MAF: variants seen among roughly 807,000 people sequenced by gnomAD.
MAF encodes the protein MAF bZIP transcription factor, also known as transcription factor Maf.
MAF carries 10 observed loss-of-function variants against 22.0 expected under a neutral mutation model. That is an observed-to-expected ratio of 0.45 (90% CI 0.28 to 0.77). The LOEUF is 0.77. MAF is among the 30% of genes least tolerant of loss of function. The probability of loss-of-function intolerance (pLI) is 0.12; values close to 1 mark genes in which losing one functional copy is unlikely to be tolerated. For synonymous variants in MAF, 337 were observed against 255.8 expected (o/e 1.32, Z -3.03); for missense variants, 544 against 548.4 (o/e 0.99, Z 0.08).
At chr16:79,506,019 G>A in the MAF span, among the ~76,000 whole-genome samples, 3 of 151,868 alleles carry the variant, frequency 2.0e-5, no homozygotes, top group East Asian at 1.9e-4. Flanking sequence ...AGGAAAGAGA[G>A]GAGGAAAAGA....
the MAF span, among the ~76,000 whole-genome samples, chr16:79,369,882 G>C: frequency 6.6e-6 from 1 of 152,198 alleles, no homozygotes; most frequent in Non-Finnish European, 1.5e-5. Flanking sequence ...AACTGGAAAG[G>C]GGACTGAAAT....
the MAF span, among the ~76,000 whole-genome samples, chr16:79,570,556 A>T: frequency 2.0e-5 from 3 of 152,148 alleles, no homozygotes; most frequent in African/African-American, 4.8e-5. Flanking sequence ...GCAGATATAC[A>T]TTTGATACTC....
chr16:79,403,448 G>A, the MAF span, among the ~76,000 whole-genome samples: 2 of 152,308 alleles, frequency 1.3e-5, no homozygotes, highest in African/African-American at 4.8e-5. Flanking sequence ...GATTGCTCCA[G>A]TATCCAGGGC....
chr16:79,316,030 G>C, the MAF span, among the ~76,000 whole-genome samples: 1 of 152,204 alleles, frequency 6.6e-6, no homozygotes, highest in African/African-American at 2.4e-5. Flanking sequence ...TCATGCTTGT[G>C]ACTGAGAATT....
the MAF span, among the ~76,000 whole-genome samples, chr16:79,318,732 G>A: frequency 2.0e-5 from 3 of 152,262 alleles, no homozygotes; most frequent in African/African-American, 4.8e-5. Context: ...CCTGTTCCCT[G>A]AATATCAAAG....
the MAF span, among the ~76,000 whole-genome samples, chr16:79,310,183 G>A: frequency 6.6e-6 from 1 of 152,100 alleles, no homozygotes; most frequent in Non-Finnish European, 1.5e-5. Flanking sequence ...CCACCCTTTT[G>A]TGCATGAGGT....
the MAF span, among the ~76,000 whole-genome samples, chr16:79,417,275 C>T: frequency 1.3e-5 from 2 of 152,026 alleles, no homozygotes; most frequent in African/African-American, 2.4e-5. Flanking sequence ...TGAACTACAC[C>T]GACATAAACC....
At chr16:79,302,683 C>T in the MAF span, among the ~76,000 whole-genome samples, 3 of 152,228 alleles carry the variant, frequency 2.0e-5, no homozygotes. Flanking sequence ...CCTGCAGGCG[C>T]TCTAGAAGAC....
chr16:79,244,633 C>T, the MAF span, among the ~76,000 whole-genome samples: 1 of 152,018 alleles, frequency 6.6e-6, no homozygotes, highest in Admixed American at 6.6e-5. Flanking sequence ...GTGAAAATGG[C>T]CATAGTGCCA....
At chr16:79,395,890 G>C in the MAF span, among the ~76,000 whole-genome samples, 8 of 152,166 alleles carry the variant, frequency 5.3e-5, no homozygotes, top group Non-Finnish European at 1.2e-4. Flanking sequence ...TGGCGAGACA[G>C]GCAAGAAGCA....
At chr16:79,597,883 A>G in intron 1 of MAF, 1 of 1,035,990 alleles carries the variant, frequency 9.7e-7, no homozygotes, top group East Asian at 6.0e-5. Flanking sequence ...ACAAAGTAGC[A>G]AGCATAATAA....
the MAF span, among the ~76,000 whole-genome samples, chr16:79,428,240 G>C: frequency 1.3e-5 from 2 of 152,154 alleles, no homozygotes; most frequent in South Asian, 4.2e-4. Flanking sequence ...TAAAGATGTA[G>C]GGGGGTTCCC....
At chr16:79,562,447 A>T in the MAF span, among the ~76,000 whole-genome samples, 1 of 152,210 alleles carries the variant, frequency 6.6e-6, no homozygotes. Flanking sequence ...CAGGACCTAT[A>T]GGAGTCAGAG....
At chr16:79,332,496 C>T in the MAF span, among the ~76,000 whole-genome samples, 11 of 152,280 alleles carry the variant, frequency 7.2e-5, no homozygotes, top group East Asian at 5.8e-4. Context: ...GATAGAGTTT[C>T]GCCATGTTGG....
the MAF span, among the ~76,000 whole-genome samples, chr16:79,268,326 T>A: frequency 6.6e-6 from 1 of 152,160 alleles, no homozygotes; most frequent in Admixed American, 6.5e-5. Context: ...AAACCTCTGT[T>A]CATATCCTGA....
chr16:79,576,372 A>G, the MAF span, among the ~76,000 whole-genome samples: 1 of 152,056 alleles, frequency 6.6e-6, no homozygotes, highest in African/African-American at 2.4e-5. Context: ...AAGATACCAT[A>G]TACCACCTGA....
the MAF span, among the ~76,000 whole-genome samples, chr16:79,238,606 GA>G: frequency 1.3e-5 from 2 of 151,978 alleles, no homozygotes; most frequent in African/African-American, 4.8e-5. Flanking sequence ...AGAGTCTCTG[GA>G]AATGGGAATG....
the MAF span, among the ~76,000 whole-genome samples, chr16:79,344,324 T>G: frequency 7.9e-5 from 12 of 152,358 alleles, no homozygotes; most frequent in Admixed American, 2.6e-4. Context: ...CCCAAGTCAC[T>G]GACATTCTTC....
At chr16:79,210,846 G>A in the MAF span, among the ~76,000 whole-genome samples, 2 of 152,142 alleles carry the variant, frequency 1.3e-5, no homozygotes, top group African/African-American at 2.4e-5. Context: ...TACTCAAAAG[G>A]TGAATGAAAG....
Sources: allele counts gnomAD v4.1 joint callset (sites outside exome capture counted in the v4.1 genomes callset), GRCh38; gene constraint gnomAD v4.1.1; transcripts MANE v1.5; gene names NCBI Gene and HGNC (gene_info 2026-07-23, HGNC 2026-07-21).